Variants in TBCE observed in about 807,000 individuals in gnomAD.
TBCE encodes tubulin folding cofactor E.
Under a neutral mutation model 77.0 loss-of-function variants are expected in TBCE, and 53 were observed. The ratio of observed to expected loss-of-function variants is 0.69; its 90% CI spans 0.55 to 0.87. The LOEUF is 0.87. Among genes scored for constraint, TBCE ranks in the 40% least tolerant of loss-of-function variants. TBCE has a pLI of 0.00. For missense variants in TBCE, 624 were observed against 622.4 expected, an observed-to-expected ratio of 1.00 and a Z score of -0.03; for synonymous variants, 235 against 241.3, an observed-to-expected ratio of 0.97 and a Z score of 0.24.
rs201089617 is a variant in TBCE at position 235,434,200 on chromosome 1, C to G, written c.661-4C>G. 61 of 1,613,964 alleles carry G rather than the reference C, an allele frequency of 3.8e-5. No individual in the cohort carries two copies. The highest frequency in any genetic ancestry group is 5.2e-5 in the Non-Finnish European group (61 of 1,180,000). On this transcript the variant is annotated splice_polypyrimidine_tract_variant and splice_region_variant and intron_variant, in intron 7 of 16. Coordinates refer to ENST00000642610, the MANE Select transcript of TBCE (RefSeq NM_003193.5). ...CCTGAGCCTGAACCGAGTTTCTCTT[C>G]CAGGTGCTGCGGTGTGTCGCGGGGT...
At chr1:235,395,467 T>G (rs1303451813) in intron 2 of TBCE, among the ~76,000 whole-genome samples, 1 of 152,130 alleles carries the variant, frequency 6.6e-6, no homozygotes, top group Non-Finnish European at 1.5e-5. Flanking sequence ...ATCTGTATTT[T>G]TGTGCCCATT....
intron 3 of TBCE, among the ~76,000 whole-genome samples, chr1:235,403,416 G>A (rs1017886385): frequency 1.3e-5 from 2 of 152,044 alleles, no homozygotes; most frequent in African/African-American, 4.8e-5. Context: ...CACCAGGTTG[G>A]CCAGACTGTT....
Position 235,448,677 on chromosome 1 carries a change from G to C in TBCE, c.1499G>C (p.Gly500Ala). 6.2e-7 allele frequency: 1 copy of C among 1,613,842 alleles called. No homozygotes were observed. The highest frequency in any genetic ancestry group is 8.5e-7 in the Non-Finnish European group (1 of 1,179,772). ...CCTTCGTTCTAATTTTAGAAGCCGG[G>C]CAGAGAAATCGAGCTGGAAAATGAC... The part of the protein sequence containing the change: ...LLSYESPKKP[G>A]REIELENDLK... The change falls in exon 17 of 17, where the codon GGC becomes GCC. Residue 500 changes from glycine (G) to alanine (A), a missense_variant. Physicochemically the swap from Gly to Ala is moderately conservative, Grantham distance 60. Coordinates refer to ENST00000642610, the MANE Select transcript of TBCE (RefSeq NM_003193.5).
intron 3 of TBCE, among the ~76,000 whole-genome samples, chr1:235,408,286 T>C (rs113513256): frequency 4.1e-4 from 63 of 152,282 alleles, no homozygotes; most frequent in African/African-American, 1.2e-3. Flanking sequence ...CCCACAAAAA[T>C]TAAAAATTAA....
chr1:235,436,972 T>A (rs1681491306), intron 11 of TBCE, among the ~76,000 whole-genome samples: 1 of 144,202 alleles, frequency 6.9e-6, no homozygotes, highest in Non-Finnish European at 1.5e-5. Flanking sequence ...AAAAAAAAAA[T>A]CGCAAAATTA....
At chr1:235,422,686 A>G (rs1680463060) in intron 5 of TBCE, among the ~76,000 whole-genome samples, 1 of 151,758 alleles carries the variant, frequency 6.6e-6, no homozygotes, top group Non-Finnish European at 1.5e-5. Flanking sequence ...AAAATTAGCC[A>G]GGCATGGTGG....
chr1:235,450,490 G>A lies in TBCE; in HGVS notation c.*1728G>A, dbSNP rs746245672. On this transcript the variant is annotated 3_prime_UTR_variant, in exon 17 of 17. Transcript: ENST00000642610. ...TGTGTGGAACAACTGGTGAGGTTTG[G>A]GGGTGGCACCTCCTGATTTGGGAAA... The A allele has an allele frequency of 5.2e-6, 5 of 956,346 alleles. No homozygotes were observed. Among genetic ancestry groups the A allele is most frequent in the Non-Finnish European group, 6.1e-6 (4 of 659,406 alleles). 59.2% of individuals were successfully genotyped at this position (956,346 alleles called of 1,614,324 possible).
At chr1:235,405,932 G>A (rs1679399886) in intron 3 of TBCE, among the ~76,000 whole-genome samples, 1 of 147,298 alleles carries the variant, frequency 6.8e-6, no homozygotes, top group Admixed American at 6.7e-5. Flanking sequence ...AGCATATGCG[G>A]TCCATTGTTG....
In TBCE at chr1:235,441,673, A is replaced by G. The variant is rs540250954; in HGVS notation, c.1271-141A>G. ...GTTGTCCATCACTCCTAAAAATCAC[A>G]CTGAATAAAGGCAGCTCCATGTGTC... On this transcript the variant is annotated intron_variant, in intron 13 of 16. Transcript: ENST00000642610. 6 of 718,010 alleles carry G rather than the reference A, an allele frequency of 8.4e-6. No homozygotes were observed. In the East Asian group the frequency reaches 1.6e-4, roughly 20 times the overall value. The allele number at this position is 718,010 out of a possible 1,614,324, so 44.5% of individuals were successfully genotyped here. A position where few individuals can be genotyped will look rare whatever the true frequency, so the allele number is the denominator to read the frequency against.
intron 1 of TBCE, among the ~76,000 whole-genome samples, chr1:235,372,941 AAAAAG>A (rs1677065102): frequency 6.6e-6 from 1 of 151,674 alleles, no homozygotes; most frequent in Non-Finnish European, 1.5e-5. Context: ...AAAAAAAAAA[AAAAAG>A]AGAGAAATTA....
chr1:235,401,526 G>A lies in TBCE; in HGVS notation c.124G>A (p.Asp42Asn). The change falls in exon 3 of 17, where the codon GAC becomes AAC. Residue 42 changes from aspartate (D) to asparagine (N), a missense_variant. Physicochemically the swap from Asp to Asn is conservative, Grantham distance 23. Transcript: ENST00000642610. ...AGGACCCTGGTTAGGAGTAGAATGG[G>A]ACAATCCCGAGAGAGGAAAGCATGA... ...VAGPWLGVEWDNPERGKHDGS... is the reference protein window; with the variant it reads ...VAGPWLGVEWNNPERGKHDGS... 6.2e-7 allele frequency: 1 copy of A among 1,613,880 alleles called. No homozygotes were observed. The highest frequency in any genetic ancestry group is 1.6e-4 in the Middle Eastern group (1 of 6,062).
At chr1:235,387,915 C>T (rs548671696) in intron 2 of TBCE, among the ~76,000 whole-genome samples, 2 of 152,186 alleles carry the variant, frequency 1.3e-5, no homozygotes, top group South Asian at 4.2e-4. Context: ...ACAGAGCAGC[C>T]CCTCCAGGGG....
At chr1:235,394,749 G>A (rs1410431873) in intron 2 of TBCE, among the ~76,000 whole-genome samples, 1 of 151,960 alleles carries the variant, frequency 6.6e-6, no homozygotes, top group Non-Finnish European at 1.5e-5. Flanking sequence ...GTCTTGCTCT[G>A]TAGCCCAGGG....
intron 13 of TBCE, chr1:235,441,598 C>G: frequency 1.7e-6 from 1 of 573,440 alleles, no homozygotes; most frequent in Non-Finnish European, 3.1e-6. Context: ...AGATAAGCTA[C>G]AGAGTCTGCA....
At chr1:235,447,174 A>C (rs1268283726) in intron 15 of TBCE, among the ~76,000 whole-genome samples, 1 of 152,192 alleles carries the variant, frequency 6.6e-6, no homozygotes, top group African/African-American at 2.4e-5. Context: ...TAAAATTATA[A>C]ATTCTATTAA....
rs1682671054 is a variant in TBCE, at chr1:235,448,745, C to CT, written c.1568dup (p.Leu524IlefsTer9). ...TTATTCTGTGGAAAATGGAGATTGT[C>CT]TATTAGTGCGATGGTGACAACCAAC... On this transcript the variant is annotated frameshift_variant, in exon 17 of 17. Transcript: ENST00000642610. LOFTEE classifies it high-confidence loss of function. The CT allele has an allele frequency of 6.2e-7, 1 of 1,613,140 alleles. No individual in the cohort carries two copies. Among genetic ancestry groups the CT allele is most frequent in the Non-Finnish European group, 8.5e-7 (1 of 1,179,248 alleles).
intron 5 of TBCE, among the ~76,000 whole-genome samples, chr1:235,425,385 C>T (rs1572410223): frequency 6.6e-6 from 1 of 152,260 alleles, no homozygotes; most frequent in East Asian, 1.9e-4. Flanking sequence ...CCCTCTCATG[C>T]TGCTGGTTTG....
At chr1:235,372,530 C>T (rs1044626408) in intron 1 of TBCE, among the ~76,000 whole-genome samples, 3 of 152,002 alleles carry the variant, frequency 2.0e-5, no homozygotes, top group African/African-American at 7.2e-5. Flanking sequence ...ACCTATAATC[C>T]TAGCACTTTG....
rs183140312 is a variant in TBCE, at chr1:235,405,446, G to T, written c.185+3859G>T. Among the ~76,000 whole-genome samples the T allele has an allele frequency of 4.0e-3, 601 of 151,544 alleles. 4 individuals carry two copies. The highest frequency in any genetic ancestry group is 0.014 in the African/African-American group (573 of 41,286). On this transcript the variant is annotated intron_variant, in intron 3 of 16. Transcript: ENST00000642610. ...AAGTCAAGAGTTCGGGACCACCCTGGCCAACATGGTTAAACCCCGTCTCTA... is the reference window on the plus strand; with the variant it reads ...AAGTCAAGAGTTCGGGACCACCCTGTCCAACATGGTTAAACCCCGTCTCTA...
Sources: gnomAD v4.1 joint callset for allele counts (sites outside exome capture counted in the v4.1 genomes callset) on GRCh38, gnomAD v4.1.1 for gene constraint, MANE v1.5 for transcripts, NCBI Gene and HGNC (gene_info 2026-07-23, HGNC 2026-07-21) for gene names.